BNC2: variants seen among roughly 807,000 people sequenced by gnomAD.
BNC2 encodes zinc finger protein basonuclin-2.
BNC2 carries 20 observed loss-of-function variants against 76.3 expected under a neutral mutation model. The ratio of observed to expected loss-of-function variants is 0.26; its 90% CI spans 0.18 to 0.38. The LOEUF is 0.38. Ranked by LOEUF, BNC2 falls within the 10% of genes least tolerant of loss-of-function variation. BNC2 has a pLI of 1.00. For missense variants in BNC2, 1,382 were observed against 1,399.8 expected, an observed-to-expected ratio of 0.99 and a Z score of 0.20; for synonymous variants, 582 against 514.8, an observed-to-expected ratio of 1.13 and a Z score of -1.77.
At chr9:16,801,985 C>A (rs1817797098) in intron 1 of BNC2, among the ~76,000 whole-genome samples, 1 of 152,028 alleles carries the variant, frequency 6.6e-6, no homozygotes, top group Non-Finnish European at 1.5e-5. Flanking sequence ...TGCAATGGGG[C>A]AGTCCACAGC....
intron 3 of BNC2, among the ~76,000 whole-genome samples, chr9:16,624,707 T>A (rs549663873): frequency 6.6e-6 from 1 of 152,322 alleles, no homozygotes; most frequent in South Asian, 2.1e-4. Context: ...TATTGAAAAC[T>A]TTAAAAAGTT....
At chr9:16,525,078 G>C (rs1016752723) in intron 5 of BNC2, among the ~76,000 whole-genome samples, 2 of 137,208 alleles carry the variant, frequency 1.5e-5, no homozygotes, top group African/African-American at 3.2e-5. Flanking sequence ...AGTGGGGGAG[G>C]GGGGGGGAAG....
At chr9:16,647,659 G>A (rs572428524) in intron 3 of BNC2, among the ~76,000 whole-genome samples, 1 of 152,078 alleles carries the variant, frequency 6.6e-6, no homozygotes, top group Admixed American at 6.6e-5. Flanking sequence ...GGGTTTATCA[G>A]GTTAAAGGAT....
At chr9:16,788,485 G>T (rs751349877) in intron 1 of BNC2, among the ~76,000 whole-genome samples, 1 of 151,212 alleles carries the variant, frequency 6.6e-6, no homozygotes, top group Non-Finnish European at 1.5e-5. Context: ...CCCAGGAGGC[G>T]GAGCTTGCAG....
chr9:16,662,268 T>TA (rs1822131010), intron 3 of BNC2, among the ~76,000 whole-genome samples: 1 of 152,212 alleles, frequency 6.6e-6, no homozygotes, highest in Non-Finnish European at 1.5e-5. Context: ...CTCAAAAAAG[T>TA]AAACACAACA....
At chr9:16,793,490 A>AT (rs1046465583) in intron 1 of BNC2, among the ~76,000 whole-genome samples, 3 of 151,510 alleles carry the variant, frequency 2.0e-5, no homozygotes, top group East Asian at 3.9e-4. Flanking sequence ...TGTCCTTTTT[A>AT]TTTTTTTTGA....
intron 3 of BNC2, among the ~76,000 whole-genome samples, chr9:16,620,693 T>G (rs1454284642): frequency 6.6e-6 from 1 of 152,174 alleles, no homozygotes; most frequent in Non-Finnish European, 1.5e-5. Context: ...CTTTTTTCAG[T>G]GTTAAGTGCA....
intron 5 of BNC2, among the ~76,000 whole-genome samples, chr9:16,480,378 G>A (rs576120107): frequency 3.3e-4 from 50 of 152,324 alleles, no homozygotes; most frequent in African/African-American, 9.4e-4. Flanking sequence ...CACTCTCGGC[G>A]CCTCCTCTGC....
intron 3 of BNC2, among the ~76,000 whole-genome samples, chr9:16,627,044 T>C (rs574305680): frequency 9.2e-5 from 14 of 152,320 alleles, no homozygotes; most frequent in African/African-American, 2.6e-4. Context: ...TGTTACACTG[T>C]GTCACAGACT....
At chr9:16,665,434 A>AAAAGAAAGAAAAG (rs1554702388) in intron 3 of BNC2, among the ~76,000 whole-genome samples, 1 of 116,098 alleles carries the variant, frequency 8.6e-6, no homozygotes, top group Non-Finnish European at 1.7e-5. Context: ...GAAAGGAAAG[A>AAAAGAAAGAAAAG]AAAGAAAGAA....
intron 6 of BNC2, among the ~76,000 whole-genome samples, chr9:16,421,660 G>A (rs191365893): frequency 1.1e-3 from 173 of 152,264 alleles, no homozygotes; most frequent in African/African-American, 4.1e-3. Context: ...GTAATTCCCC[G>A]TTTCCTTGGT....
chr9:16,668,775 T>A (rs1822381128), intron 3 of BNC2, among the ~76,000 whole-genome samples: 1 of 152,200 alleles, frequency 6.6e-6, no homozygotes, highest in African/African-American at 2.4e-5. Context: ...GACTTTCTCT[T>A]GTTGGGCAAA....
intron 1 of BNC2, among the ~76,000 whole-genome samples, chr9:16,746,654 C>G (rs1360457247): frequency 6.6e-6 from 1 of 151,224 alleles, no homozygotes; most frequent in East Asian, 2.1e-4. Context: ...CGTGAACAAC[C>G]GCGCCTGGCC....
At chr9:16,750,673 C>G (rs1217752476) in intron 1 of BNC2, among the ~76,000 whole-genome samples, 3 of 152,198 alleles carry the variant, frequency 2.0e-5, no homozygotes, top group Non-Finnish European at 4.4e-5. Flanking sequence ...CTGAATTAGA[C>G]CGTAACACAT....
chr9:16,428,570 T>C (rs1204329451), intron 6 of BNC2, among the ~76,000 whole-genome samples: 2 of 152,230 alleles, frequency 1.3e-5, no homozygotes, highest in Non-Finnish European at 2.9e-5. Context: ...ATTAGAACAT[T>C]AGCACAATTT....
chr9:16,737,009 T>G (rs1188827561), intron 2 of BNC2, among the ~76,000 whole-genome samples: 1 of 151,540 alleles, frequency 6.6e-6, no homozygotes, highest in East Asian at 2.0e-4. Context: ...TTTCTCCATG[T>G]TGGTCAGACT....
chr9:16,539,735 A>AAAGGG (rs1280214347), intron 5 of BNC2, among the ~76,000 whole-genome samples: 9 of 105,908 alleles, frequency 8.5e-5, no homozygotes, highest in East Asian at 2.8e-4. Context: ...GAAAAGAGGG[A>AAAGGG]AAGGGAAGGG....
intron 1 of BNC2, among the ~76,000 whole-genome samples, chr9:16,747,759 T>G (rs934923853): frequency 2.0e-5 from 3 of 152,230 alleles, no homozygotes; most frequent in Admixed American, 2.0e-4. Context: ...TCTTGATAAT[T>G]AAACATCAAT....
At position 16,522,627 on chromosome 9, in the gene BNC2, G is replaced by A. The variant is rs959923916; in HGVS notation, c.669+29903C>T. Among the ~76,000 whole-genome samples the A allele has an allele frequency of 1.9e-4, 29 of 152,244 alleles. No individual in the cohort carries two copies. The South Asian group carries it at 3.5e-3, about 18-fold the overall frequency. Reference sequence around the variant, plus strand: ...AGCCAAGAGGCCTGAAGGTCATTTCGTGTTTTTTAAGGTTTGAAGCTTTTT... The same window carrying A: ...AGCCAAGAGGCCTGAAGGTCATTTCATGTTTTTTAAGGTTTGAAGCTTTTT... On this transcript the variant is annotated intron_variant, in intron 5 of 6. Transcript: ENST00000380672.
Sources: gnomAD v4.1 joint callset for allele counts (sites outside exome capture counted in the v4.1 genomes callset) on GRCh38, gnomAD v4.1.1 for gene constraint, MANE v1.5 for transcripts, NCBI Gene and HGNC (gene_info 2026-07-23, HGNC 2026-07-21) for gene names.